LRPPRC: variants seen among roughly 807,000 people sequenced by gnomAD.
The protein encoded by LRPPRC is leucine-rich PPR motif-containing protein, mitochondrial.
LRPPRC carries 120 observed loss-of-function variants against 180.3 expected under a neutral mutation model. The ratio of observed to expected loss-of-function variants is 0.67; its 90% CI spans 0.57 to 0.77. The LOEUF (loss-of-function observed/expected upper bound fraction) is 0.77. Ranked by LOEUF, LRPPRC falls within the 30% of genes least tolerant of loss-of-function variation. The pLI is 0.00. For synonymous variants in LRPPRC, 723 were observed against 600.0 expected (o/e 1.21, Z -3.00); for missense variants, 2,012 against 1,657.2 (o/e 1.21, Z -3.72).
chr2:43,967,361 A>G (rs4953041), intron 11 of LRPPRC, among the ~76,000 whole-genome samples: 138,460 of 152,208 alleles, frequency 0.91, 63,476 homozygotes, highest in African/African-American at 0.97. Context: ...TCTCCAAAAC[A>G]TCATGTTGTT....
chr2:43,978,248 G>A (rs1012929421), intron 3 of LRPPRC, among the ~76,000 whole-genome samples: 4 of 152,118 alleles, frequency 2.6e-5, no homozygotes, highest in Non-Finnish European at 5.9e-5. Context: ...TTATAAATCT[G>A]TAAACAAGAG....
chr2:43,918,443 A>G (rs1337489278), intron 27 of LRPPRC, 45 bp from the exon 28 acceptor site: 16 of 1,276,390 alleles, frequency 1.3e-5, no homozygotes, highest in Non-Finnish European at 1.8e-5. Context: ...AATATGCTAA[A>G]CAGAATACAC....
intron 25 of LRPPRC, among the ~76,000 whole-genome samples, chr2:43,931,366 G>C (rs908562699): frequency 3.3e-5 from 5 of 152,298 alleles, no homozygotes; most frequent in South Asian, 2.1e-4. Context: ...GAATGGCATA[G>C]AGAAGGAAGG....
Position 43,899,446 on chromosome 2 carries a change from A to C in LRPPRC, c.3709+20T>G. On this transcript the variant is annotated intron_variant, in intron 33 of 37. Transcript: ENST00000260665. ...GAGAAAATGTGCTTGTGTGTTCTTT[A>C]GCACAAACAACTAACTTACTCTTTT... is the stretch of plus-strand genomic sequence containing the variant. 6.2e-7 allele frequency: 1 copy of C among 1,614,086 alleles called. No individual in the cohort carries two copies. Among genetic ancestry groups the C allele is most frequent in the Non-Finnish European group, 8.5e-7 (1 of 1,179,950 alleles).
chr2:43,929,384 G>A (rs978569187), intron 25 of LRPPRC, among the ~76,000 whole-genome samples: 1 of 152,174 alleles, frequency 6.6e-6, no homozygotes, highest in African/African-American at 2.4e-5. Context: ...GTGAATGGCA[G>A]CATGTATAGT....
At chr2:43,981,865 T>C (rs1674322531) in intron 2 of LRPPRC, among the ~76,000 whole-genome samples, 1 of 152,020 alleles carries the variant, frequency 6.6e-6, no homozygotes, top group Non-Finnish European at 1.5e-5. Context: ...TTATGTTTAA[T>C]GGCAAAAACT....
chr2:43,995,839 C>A lies in LRPPRC; in HGVS notation c.109G>T (p.Ala37Ser), dbSNP rs763948159. 89 of 1,449,036 alleles carry A rather than the reference C, an allele frequency of 6.1e-5. No homozygotes were observed. The highest frequency in any genetic ancestry group is 7.7e-5 in the Non-Finnish European group (85 of 1,110,338). The allele number at this position is 1,449,036 out of a possible 1,614,324, so 89.8% of individuals were successfully genotyped here. A position where few individuals can be genotyped will look rare whatever the true frequency, so the allele number is the denominator to read the frequency against. The change falls in exon 1 of 38, where the codon GCC becomes TCC. Residue 37 changes from alanine (A) to serine (S), a missense_variant. Transcript: ENST00000260665. ...LPGGPGRLHA[A>S]SYLPAARAGP... ...GCGCGAGCGGCGGGCAGATAGGAGG[C>A]GGCATGCAGCCGGCCCGGGCCGCCA... is the stretch of plus-strand genomic sequence containing the variant.
chr2:43,919,294 C>T (rs941468084), intron 27 of LRPPRC, among the ~76,000 whole-genome samples: 1 of 152,170 alleles, frequency 6.6e-6, no homozygotes, highest in African/African-American at 2.4e-5. Context: ...TGAAACCAGT[C>T]CCTGGTACCA....
chr2:43,918,335 A>G lies in LRPPRC; in HGVS notation c.2960T>C (p.Ile987Thr). 1.9e-6 allele frequency: 3 copies of G among 1,610,132 alleles called. No individual in the cohort carries two copies. The highest frequency in any genetic ancestry group is 2.6e-6 in the Non-Finnish European group (3 of 1,176,422). The part of the protein sequence containing the change: ...VWNKIQEENV[I>T]PREKTLRLLA... ...TAATCTTAATGTCTTTTCACGAGGA[A>G]TAACATTTTCTTCTTGGATTTTATT... The change falls in exon 28 of 38, where the codon ATT (isoleucine) becomes ACT (threonine). Residue 987 changes from isoleucine to threonine, a missense_variant. Ile to Thr is a moderately conservative substitution (Grantham distance 89). Transcript: ENST00000260665.
rs1670296432 is a variant in LRPPRC at position 43,887,143 on chromosome 2, C to CCAAAAAAAAAA, written c.*1456_*1457insTTTTTTTTTTG. The CCAAAAAAAAAA allele has an allele frequency of 1.4e-5, 1 of 73,206 alleles. No individual in the cohort carries two copies. Among genetic ancestry groups the CCAAAAAAAAAA allele is most frequent in the African/African-American group, 4.5e-5 (1 of 21,984 alleles). The allele number at this position is 73,206 out of a possible 1,614,324, so 4.5% of individuals were successfully genotyped here. A position where few individuals can be genotyped will look rare whatever the true frequency, so the allele number is the denominator to read the frequency against. On this transcript the variant is annotated 3_prime_UTR_variant, in exon 38 of 38. Transcript: ENST00000260665. ...CTTAAGCAACAGAGCAAGACTATCT[C>CCAAAAAAAAAA]AAAAAAAAAAAAAAAAAAAAAGATG...
chr2:43,905,957 T>C (rs78439170), intron 30 of LRPPRC, among the ~76,000 whole-genome samples, 177 bp from the exon 31 acceptor site: 1 of 151,560 alleles, frequency 6.6e-6, no homozygotes, highest in Non-Finnish European at 1.5e-5. Context: ...AGAAGGATAA[T>C]TTTTTTTTGC....
intron 23 of LRPPRC, among the ~76,000 whole-genome samples, chr2:43,940,843 C>G (rs536224621): frequency 1.3e-5 from 2 of 152,144 alleles, no homozygotes; most frequent in Admixed American, 6.5e-5. Context: ...CTTAATGTGA[C>G]GGATTGCTGT....
intron 36 of LRPPRC, among the ~76,000 whole-genome samples, chr2:43,893,541 T>G (rs1340040545): frequency 3.3e-5 from 5 of 152,240 alleles, no homozygotes; most frequent in Non-Finnish European, 7.3e-5. Context: ...TTAACTATTT[T>G]TAGCAATATC....
intron 25 of LRPPRC, among the ~76,000 whole-genome samples, chr2:43,927,825 C>T (rs1376909672): frequency 1.3e-5 from 2 of 152,148 alleles, no homozygotes; most frequent in African/African-American, 2.4e-5. Context: ...GAACTGTTTT[C>T]ATATATAAAT....
chr2:43,958,824 C>T (rs748964866), intron 13 of LRPPRC, among the ~76,000 whole-genome samples: 29 of 152,166 alleles, frequency 1.9e-4, no homozygotes, highest in Non-Finnish European at 3.2e-4. Flanking sequence ...AATCATAGAA[C>T]GAACCGCTCT....
In LRPPRC at chr2:43,995,895, G is replaced by A. The variant is rs1675037858; in HGVS notation, c.53C>T (p.Pro18Leu). The A allele has an allele frequency of 6.6e-7, 1 of 1,509,774 alleles. No homozygotes were observed. The highest frequency in any genetic ancestry group is 8.8e-7 in the Non-Finnish European group (1 of 1,136,806). The allele number at this position is 1,509,774 out of a possible 1,614,324, so 93.5% of individuals were successfully genotyped here. The part of the protein sequence containing the change: ...ARWLLRAGAA[P>L]RLPLSLRLLP... ...GAGGCGCAGGGAGAGCGGGAGGCGCGGGGCCGCCCCGGCACGCAGCAACCA... is the reference window on the plus strand; with the variant it reads ...GAGGCGCAGGGAGAGCGGGAGGCGCAGGGCCGCCCCGGCACGCAGCAACCA... The change falls in exon 1 of 38, where the codon CCG becomes CTG. Residue 18 changes from proline to leucine, a missense_variant. By Grantham distance (98) the Pro-to-Leu change is moderately conservative. Coordinates refer to ENST00000260665, the MANE Select transcript of LRPPRC (RefSeq NM_133259.4).
chr2:43,888,456 T>C lies in LRPPRC; in HGVS notation c.*144A>G, dbSNP rs530836731. On this transcript the variant is annotated 3_prime_UTR_variant, in exon 38 of 38. Transcript: ENST00000260665. The stretch of plus-strand genomic sequence containing the variant: ...TCCAATAACCAAGTGCACAGAGTTA[T>C]GGTCAATAAGACTTTGAACATGCAT... The C allele has an allele frequency of 2.4e-4, 148 of 623,368 alleles. No homozygotes were observed. The highest frequency in any genetic ancestry group is 2.1e-3 in the African/African-American group (112 of 54,146). 38.6% of individuals were successfully genotyped at this position (623,368 alleles called of 1,614,324 possible). A position where few individuals can be genotyped will look rare whatever the true frequency, so the allele number is the denominator to read the frequency against.
intron 14 of LRPPRC, among the ~76,000 whole-genome samples, chr2:43,953,848 A>G (rs1469911997): frequency 6.6e-6 from 1 of 152,230 alleles, no homozygotes; most frequent in Non-Finnish European, 1.5e-5. Flanking sequence ...TTCTTCCACT[A>G]CAATAGTATC....
intron 1 of LRPPRC, among the ~76,000 whole-genome samples, chr2:43,993,623 G>A (rs1674884829): frequency 6.6e-6 from 1 of 151,940 alleles, no homozygotes; most frequent in Admixed American, 6.6e-5. Flanking sequence ...TATATACAGT[G>A]CTCAGAGTCC....
Sources: allele counts gnomAD v4.1 joint callset (sites outside exome capture counted in the v4.1 genomes callset), GRCh38; gene constraint gnomAD v4.1.1; transcripts MANE v1.5; gene names NCBI Gene and HGNC (gene_info 2026-07-23, HGNC 2026-07-21).